Variants in MAGI2 observed in about 807,000 individuals in gnomAD.
MAGI2 encodes membrane associated guanylate kinase, WW and PDZ domain containing 2, also known as membrane-associated guanylate kinase, WW and PDZ domain-containing protein 2.
A neutral mutation model predicts 133.3 loss-of-function variants in MAGI2; 35 were observed. The observed-to-expected ratio is 0.26, with a 90% confidence interval of 0.20 to 0.35. The LOEUF (loss-of-function observed/expected upper bound fraction) is 0.35, where lower values mean the gene tolerates loss of function less well. Among genes scored for constraint, MAGI2 ranks in the 10% least tolerant of loss-of-function variants. The pLI is 1.00. For missense variants in MAGI2, 1,636 were observed against 1,863.4 expected (o/e 0.88, Z 2.25); for synonymous variants, 729 against 710.6 (o/e 1.03, Z -0.41).
intron 2 of MAGI2, among the ~76,000 whole-genome samples, chr7:78,941,438 C>A (rs550322531): frequency 1.3e-5 from 2 of 152,312 alleles, no homozygotes; most frequent in Admixed American, 1.3e-4. Context: ...CAACCTCCCC[C>A]TCTCAGGTTC....
At chr7:78,705,470 T>G (rs984634629) in intron 2 of MAGI2, among the ~76,000 whole-genome samples, 2 of 152,126 alleles carry the variant, frequency 1.3e-5, no homozygotes, top group Non-Finnish European at 2.9e-5. Flanking sequence ...TTGACTAATA[T>G]ACCAGTGCAC....
chr7:79,321,917 T>A (rs1839214901), intron 1 of MAGI2, among the ~76,000 whole-genome samples: 1 of 152,146 alleles, frequency 6.6e-6, no homozygotes, highest in Non-Finnish European at 1.5e-5. Context: ...GGCTCTAATG[T>A]GGTTACTGAG....
chr7:79,037,898 T>C (rs1451738853), intron 1 of MAGI2, among the ~76,000 whole-genome samples: 2 of 152,246 alleles, frequency 1.3e-5, no homozygotes, highest in Non-Finnish European at 2.9e-5. Context: ...TATCTTATGA[T>C]GCCATTTAAC....
chr7:78,791,537 C>G (rs1163494506), intron 2 of MAGI2, among the ~76,000 whole-genome samples: 1 of 148,636 alleles, frequency 6.7e-6, no homozygotes, highest in African/African-American at 2.5e-5. Flanking sequence ...CCCTGAGAAA[C>G]AATCTTTTTT....
At chr7:78,054,972 T>A (rs1812415542) in intron 21 of MAGI2, among the ~76,000 whole-genome samples, 1 of 152,124 alleles carries the variant, frequency 6.6e-6, no homozygotes, top group African/African-American at 2.4e-5. Flanking sequence ...TTTCTTTTTC[T>A]TATTTCTTAA....
chr7:78,343,091 A>G (rs1025613667), intron 9 of MAGI2, among the ~76,000 whole-genome samples: 2 of 152,248 alleles, frequency 1.3e-5, no homozygotes, highest in African/African-American at 4.8e-5. Flanking sequence ...ATCATGGGCC[A>G]GGCAAGAAAA....
intron 2 of MAGI2, among the ~76,000 whole-genome samples, chr7:78,983,935 A>C (rs1477626379): frequency 2.0e-5 from 3 of 151,942 alleles, no homozygotes; most frequent in Non-Finnish European, 4.4e-5. Context: ...CCTGTACTCT[A>C]AACTGAACTC....
At chr7:78,995,377 C>A (rs1035421867) in intron 2 of MAGI2, among the ~76,000 whole-genome samples, 1 of 152,162 alleles carries the variant, frequency 6.6e-6, no homozygotes, top group East Asian at 1.9e-4. Context: ...ATATAATTAT[C>A]AATTAACAAT....
intron 4 of MAGI2, among the ~76,000 whole-genome samples, chr7:78,513,336 C>T (rs1280932819): frequency 6.6e-6 from 1 of 152,072 alleles, no homozygotes. Flanking sequence ...AATACTGTTC[C>T]CATTGATAGA....
At chr7:78,504,951 CAT>C (rs1794955900) in intron 4 of MAGI2, among the ~76,000 whole-genome samples, 2 of 152,078 alleles carry the variant, frequency 1.3e-5, no homozygotes, top group South Asian at 4.1e-4. Flanking sequence ...TCTAAATAAG[CAT>C]ATATTAAGAT....
At chr7:79,275,257 G>A (rs1355319337) in intron 1 of MAGI2, among the ~76,000 whole-genome samples, 1 of 152,108 alleles carries the variant, frequency 6.6e-6, no homozygotes, top group Non-Finnish European at 1.5e-5. Flanking sequence ...AAAATTTAAA[G>A]TGCTACTCCA....
chr7:79,324,552 T>C (rs1457724042), intron 1 of MAGI2, among the ~76,000 whole-genome samples: 1 of 27,346 alleles, frequency 3.7e-5, no homozygotes, highest in African/African-American at 1.1e-4. Context: ...TATATATACA[T>C]ATATACACAT....
At chr7:78,497,722 T>TTCTATCTATCTATCTA (rs71517019) in intron 5 of MAGI2, among the ~76,000 whole-genome samples, 139 of 97,240 alleles carry the variant, frequency 1.4e-3, no homozygotes, top group East Asian at 8.7e-3. Context: ...GAAATAACTA[T>TTCTATCTATCTATCTA]TCTATCTATC....
chr7:78,125,560 C>A, intron 20 of MAGI2, 134 bp downstream of exon 20: 1 of 766,846 alleles, frequency 1.3e-6, no homozygotes, highest in Non-Finnish European at 2.0e-6. Flanking sequence ...TTTTAAGAAA[C>A]TGGGTCATCA....
Position 79,352,561 on chromosome 7 carries a change from A to G in MAGI2, c.301+100459T>C, listed in dbSNP as rs148429290. On this transcript the variant is annotated intron_variant, in intron 1 of 21. Transcript: ENST00000354212. ...CATGAGGGGGAAGGTGCAGTTTGCA[A>G]TCTGGCTGTAAGCCCCACTCACACT... Among the ~76,000 whole-genome samples the G allele has an allele frequency of 1.8e-4, 27 of 152,346 alleles. No homozygotes were observed. The East Asian group carries it at 4.1e-3, about 23-fold the overall frequency.
chr7:78,472,603 G>T (rs1296319781), intron 6 of MAGI2, among the ~76,000 whole-genome samples: 1 of 152,092 alleles, frequency 6.6e-6, no homozygotes, highest in African/African-American at 2.4e-5. Flanking sequence ...TCTAAGAATG[G>T]CAGGTAACAT....
At chr7:78,951,268 G>C (rs755077024) in intron 2 of MAGI2, among the ~76,000 whole-genome samples, 1 of 152,014 alleles carries the variant, frequency 6.6e-6, no homozygotes, top group African/African-American at 2.4e-5. Flanking sequence ...TGCCACACCC[G>C]GCTGATGTTA....
intron 2 of MAGI2, among the ~76,000 whole-genome samples, chr7:78,814,808 A>T (rs1444270226): frequency 6.6e-6 from 1 of 152,130 alleles, no homozygotes; most frequent in Non-Finnish European, 1.5e-5. Flanking sequence ...CTGCAGCCTC[A>T]ACCTCCTGGG....
intron 11 of MAGI2, among the ~76,000 whole-genome samples, chr7:78,197,348 T>C (rs1828832850): frequency 6.6e-6 from 1 of 152,184 alleles, no homozygotes; most frequent in African/African-American, 2.4e-5. Context: ...AGTAAATAAA[T>C]TAGAAATATG....
Sources: allele counts gnomAD v4.1 joint callset (sites outside exome capture counted in the v4.1 genomes callset), GRCh38; gene constraint gnomAD v4.1.1; transcripts MANE v1.5; gene names NCBI Gene and HGNC (gene_info 2026-07-23, HGNC 2026-07-21).